The following CLPTM1L variants were observed in gnomAD, a reference collection of about 807,000 sequenced individuals.
CLPTM1L encodes the protein lipid scramblase CLPTM1L.
Under a neutral mutation model 70.9 loss-of-function variants are expected in CLPTM1L, and 38 were observed. The ratio of observed to expected loss-of-function variants is 0.54; its 90% confidence interval spans 0.41 to 0.70. CLPTM1L has a LOEUF of 0.70. CLPTM1L is among the 30% of genes least tolerant of loss of function. The pLI is 0.00. For synonymous variants in CLPTM1L, 339 were observed against 299.9 expected, an observed-to-expected ratio of 1.13 and a Z score of -1.35; for missense variants, 652 against 705.9, an observed-to-expected ratio of 0.92 and a Z score of 0.87.
At chr5:1,327,310 A>G (rs866503911) in intron 9 of CLPTM1L, among the ~76,000 whole-genome samples, 1,788 of 94,454 alleles carry the variant, frequency 0.019, 10 homozygotes, top group Middle Eastern at 0.056. Flanking sequence ...TCCTCTACAG[A>G]CACATTCCAT....
intron 9 of CLPTM1L, among the ~76,000 whole-genome samples, chr5:1,327,265 A>G (rs1428266134): frequency 6.8e-6 from 1 of 147,550 alleles, no homozygotes; most frequent in African/African-American, 2.5e-5. Flanking sequence ...CATTCCATCC[A>G]GCTCCTCCTC....
chr5:1,329,304 G>C (rs900970701), intron 9 of CLPTM1L, among the ~76,000 whole-genome samples: 1 of 152,270 alleles, frequency 6.6e-6, no homozygotes, highest in Non-Finnish European at 1.5e-5. Context: ...GCTGTGCTCA[G>C]ATCTCCAGCC....
In CLPTM1L at chr5:1,320,651, G is replaced by A. The variant is rs143242019; in HGVS notation, c.1497C>T (p.Asp499=). 170 of 1,546,222 alleles carry A rather than the reference G, an allele frequency of 1.1e-4. No homozygotes were observed. The highest frequency in any genetic ancestry group is 1.4e-4 in the Non-Finnish European group (162 of 1,144,492). ...ACAGGTAGACCAGAAACACCACGTC[G>A]TCCCGGAAGCAGGCCAGCCGGTGAG... ...PTSHRLACFR[D]DVVFLVYLYQ... Residue 499 remains aspartate (D), a synonymous_variant, in exon 16 of 17, where the codon GAC becomes GAT. Transcript: ENST00000320895.
chr5:1,343,016 C>A (rs1220862464), intron 2 of CLPTM1L, among the ~76,000 whole-genome samples: 1 of 152,182 alleles, frequency 6.6e-6, no homozygotes, highest in African/African-American at 2.4e-5. Context: ...CATGGTGAAA[C>A]CCTGTCTCTA....
At chr5:1,341,114 A>G (rs1579656135) in intron 3 of CLPTM1L, among the ~76,000 whole-genome samples, 2 of 152,374 alleles carry the variant, frequency 1.3e-5, no homozygotes, top group African/African-American at 4.8e-5. Flanking sequence ...GGTGGGTGTC[A>G]GAATTCCCTT....
At position 1,323,818 on chromosome 5, in the gene CLPTM1L, C is replaced by T. The variant is rs1056403986; in HGVS notation, c.1249G>A (p.Val417Ile). ...TATTTGATATTCAGGAGTGAATAGA[C>T]AGCACCCCCGACACAGAGAGGGTAC... is the stretch of plus-strand genomic sequence containing the variant. ...LLYPLCVGGAVYSLLNIKYKS... is the reference protein window; with the variant it reads ...LLYPLCVGGAIYSLLNIKYKS... The change falls in exon 12 of 17, where the codon GTC (valine) becomes ATC (isoleucine). Residue 417 changes from valine (V) to isoleucine (I), a missense_variant. Physicochemically the swap from Val to Ile is conservative, Grantham distance 29. Transcript: ENST00000320895. 2 of 1,613,622 alleles carry T rather than the reference C, an allele frequency of 1.2e-6. No homozygotes were observed. Among genetic ancestry groups the T allele is most frequent in the Admixed American group, 1.7e-5 (1 of 60,010 alleles).
At chr5:1,339,566 G>A (rs1167189176) in intron 3 of CLPTM1L, among the ~76,000 whole-genome samples, 105 of 112,546 alleles carry the variant, frequency 9.3e-4, no homozygotes, top group African/African-American at 3.4e-3. Context: ...GAAAAACCGC[G>A]CCCGGACAGC....
rs1412729850 is a variant in CLPTM1L at position 1,321,509 on chromosome 5, C to T, written c.1416+126G>A. On this transcript the variant is annotated intron_variant, in intron 15 of 16. Coordinates refer to ENST00000320895, the MANE Select transcript of CLPTM1L (RefSeq NM_030782.5). ...TTAAAGGAGCCTCCTCAATATTCTT[C>T]AATGAAAGGGACAGGTGCAGATGCA... is the stretch of plus-strand genomic sequence containing the variant. 6.0e-6 allele frequency: 5 copies of T among 831,100 alleles called. No individual in the cohort carries two copies. The Admixed American group carries it at 1.0e-4, about 17-fold the overall frequency. 51.5% of individuals were successfully genotyped at this position (831,100 alleles called of 1,614,324 possible).
chr5:1,338,619 G>T (rs1397727375), intron 4 of CLPTM1L, among the ~76,000 whole-genome samples: 1 of 152,238 alleles, frequency 6.6e-6, no homozygotes, highest in African/African-American at 2.4e-5. Context: ...CTCCATGGAA[G>T]CCTTCGCCAG....
intron 12 of CLPTM1L, among the ~76,000 whole-genome samples, chr5:1,323,267 C>T (rs1448909729): frequency 6.6e-6 from 1 of 150,876 alleles, no homozygotes; most frequent in African/African-American, 2.4e-5. Context: ...GGGCCAGCAC[C>T]CCACCTGGGC....
At chr5:1,340,213 C>G (rs1486534410) in intron 3 of CLPTM1L, among the ~76,000 whole-genome samples, 1 of 152,200 alleles carries the variant, frequency 6.6e-6, no homozygotes, top group Non-Finnish European at 1.5e-5. Flanking sequence ...GTGAGAGCCC[C>G]CTGACCTTGG....
At chr5:1,319,646 A>G (rs1342028350) in intron 16 of CLPTM1L, among the ~76,000 whole-genome samples, 1 of 152,206 alleles carries the variant, frequency 6.6e-6, no homozygotes, top group Non-Finnish European at 1.5e-5. Context: ...GGATGGCCCC[A>G]GGCCCTGAGG....
intron 10 of CLPTM1L, chr5:1,325,187 G>A (rs115589904): frequency 7.8e-4 from 243 of 312,188 alleles, no homozygotes; most frequent in African/African-American, 4.9e-3. Context: ...CAGTGGCTGC[G>A]CTGCGTGTGC....
chr5:1,321,326 A>T (rs1752139737), intron 15 of CLPTM1L, among the ~76,000 whole-genome samples: 4 of 152,186 alleles, frequency 2.6e-5, no homozygotes, highest in African/African-American at 9.6e-5. Flanking sequence ...GTCCCCAGGC[A>T]CCGGTTACTG....
chr5:1,332,075 C>A, intron 7 of CLPTM1L, 192 bp from the exon 8 acceptor site: 1 of 596,522 alleles, frequency 1.7e-6, no homozygotes, highest in Middle Eastern at 3.5e-4. Flanking sequence ...CTAGAGTGCC[C>A]AGGCGGGCTT....
At chr5:1,322,756 G>C (rs1752233291) in intron 13 of CLPTM1L, 121 bp downstream of exon 13, 2 of 995,658 alleles carry the variant, frequency 2.0e-6, no homozygotes, top group South Asian at 2.6e-5. Context: ...CCAGAACAGG[G>C]TGGGGAGGGA....
intron 4 of CLPTM1L, chr5:1,338,440 G>A (rs1025512203): frequency 3.3e-5 from 9 of 269,596 alleles, no homozygotes; most frequent in South Asian, 6.8e-5. Flanking sequence ...TGGGAGAGAC[G>A]AGGTGAGCTC....
chr5:1,341,354 C>T (rs555898256), intron 3 of CLPTM1L, among the ~76,000 whole-genome samples: 1 of 152,328 alleles, frequency 6.6e-6, no homozygotes, highest in African/African-American at 2.4e-5. Flanking sequence ...GCCAGCTCTG[C>T]AGGACCAGCG....
chr5:1,324,806 G>A lies in CLPTM1L; in HGVS notation c.1154C>T (p.Thr385Ile), dbSNP rs774171192. The change falls in exon 11 of 17, where the codon ACT becomes ATT. Residue 385 changes from threonine (T) to isoleucine (I), a missense_variant. This residue lies in a region of CLPTM1L where 240 missense variants were observed against 295.0 expected (regional missense o/e 0.81). Coordinates refer to ENST00000320895, the MANE Select transcript of CLPTM1L (RefSeq NM_030782.5). The stretch of plus-strand genomic sequence containing the variant: ...GGTTTTCCTCTCAGATTCGCTGTAA[G>A]TGCCAAACTGTTGTGAAATTCAACA... ...RGLMPEFQFG[T>I]YSESERKTEE... 6.2e-7 allele frequency: 1 copy of A among 1,613,966 alleles called. No homozygotes were observed. The highest frequency in any genetic ancestry group is 1.1e-5 in the South Asian group (1 of 91,080).
Sources: allele counts gnomAD v4.1 joint callset (sites outside exome capture counted in the v4.1 genomes callset), GRCh38; gene constraint gnomAD v4.1.1; regional missense constraint gnomAD v4.1.1; transcripts MANE v1.5; gene names NCBI Gene and HGNC (gene_info 2026-07-23, HGNC 2026-07-21).